Variants in DDX47 observed in about 807,000 individuals in gnomAD.
DDX47 encodes DEAD-box helicase 47.
Under a neutral mutation model 58.8 loss-of-function variants are expected in DDX47, and 60 were observed. The observed-to-expected ratio is 1.02, with a 90% CI of 0.83 to 1.26. The LOEUF (loss-of-function observed/expected upper bound fraction) is 1.26, where lower values mean the gene tolerates loss of function less well. Ranked by LOEUF, DDX47 falls within the 50% of genes most tolerant of loss-of-function variation. The pLI, the probability that DDX47 is intolerant of heterozygous loss-of-function variation, is 0.00. For missense variants in DDX47, 530 were observed against 573.2 expected (o/e 0.92, Z 0.77); for synonymous variants, 197 against 204.6 (o/e 0.96, Z 0.32).
chr12:12,822,169 G>A (rs548631997), intron 5 of DDX47, 86 bp downstream of exon 5: 2 of 809,870 alleles, frequency 2.5e-6, no homozygotes, highest in East Asian at 4.9e-5. Context: ...GTTTCATGTA[G>A]AACATTGCAT....
chr12:12,826,276 A>G, intron 10 of DDX47: 1 of 422,214 alleles, frequency 2.4e-6, no homozygotes, highest in Non-Finnish European at 4.3e-6. Flanking sequence ...AAGATCTAGT[A>G]TAGTATTTGG....
At position 12,824,178 on chromosome 12, in the gene DDX47, C is replaced by A. The variant is rs111417851; in HGVS notation, c.897+162C>A. 137 of 892,356 alleles carry A rather than the reference C, an allele frequency of 1.5e-4. 1 individual carries two copies. In the African/African-American group the frequency reaches 2.2e-3, roughly 14 times the overall value. 55.3% of individuals were successfully genotyped at this position (892,356 alleles called of 1,614,324 possible). ...GTGTTGCTCTAGATACTTACTTTCT[C>A]CTTTCAGGGTAGCGAGAGGCTCCCA... On this transcript the variant is annotated intron_variant, in intron 8 of 11. Coordinates refer to ENST00000358007, the MANE Select transcript of DDX47 (RefSeq NM_016355.4).
chr12:12,814,927 T>G (rs768100753), intron 2 of DDX47, among the ~76,000 whole-genome samples: 4 of 152,214 alleles, frequency 2.6e-5, no homozygotes, highest in Non-Finnish European at 5.9e-5. Context: ...TCTACCTGCC[T>G]TGGCCTCCCA....
intron 2 of DDX47, 26 bp downstream of exon 2, chr12:12,814,250 T>G: frequency 7.0e-7 from 1 of 1,424,808 alleles, no homozygotes; most frequent in East Asian, 2.3e-5. Flanking sequence ...TCGTACAGAT[T>G]TAATATAAAG....
rs1862962871 is a variant in DDX47, at chr12:12,821,105, ATATT to A, written c.182-98_182-95del. The A allele has an allele frequency of 5.1e-6, 6 of 1,180,738 alleles. No homozygotes were observed. The South Asian group carries it at 8.4e-5, about 17-fold the overall frequency. 73.1% of individuals were successfully genotyped at this position (1,180,738 alleles called of 1,614,324 possible). ...CTTTCCTCTCTCCCCAGTTCATCAG[ATATT>A]TATTAAGCGTCTACTTTGTGCCCAG... On this transcript the variant is annotated intron_variant, in intron 2 of 11. Coordinates refer to ENST00000358007, the MANE Select transcript of DDX47 (RefSeq NM_016355.4).
rs1862981740 is a variant in DDX47 at position 12,822,018 on chromosome 12, A to T, written c.496A>T (p.Arg166Ter). Reference sequence around the variant, plus strand: ...GGAAAATACGAAAGGTTTCAACTTGAGAGCTCTCAAATACTTGGTCATGGA... The same window carrying T: ...GGAAAATACGAAAGGTTTCAACTTGTGAGCTCTCAAATACTTGGTCATGGA... ...HLENTKGFNL[R>*]ALKYLVMDEA... The change falls in exon 5 of 12, where the codon AGA becomes TGA. Residue 166 changes from arginine (R) to a stop codon, truncating the protein, a stop_gained. Transcript: ENST00000358007. LOFTEE classifies it high-confidence loss of function. The T allele has an allele frequency of 6.2e-7, 1 of 1,613,892 alleles. No homozygotes were observed. The highest frequency in any genetic ancestry group is 8.5e-7 in the Non-Finnish European group (1 of 1,179,984).
At chr12:12,824,480 T>C in intron 8 of DDX47, 60 bp from the exon 9 acceptor site, 2 of 1,558,864 alleles carry the variant, frequency 1.3e-6, no homozygotes, top group South Asian at 2.4e-5. Flanking sequence ...TTGTCTATTT[T>C]GTGTTTTGTA....
chr12:12,820,899 C>T, intron 2 of DDX47: 1 of 356,550 alleles, frequency 2.8e-6, no homozygotes, highest in South Asian at 2.8e-5. Flanking sequence ...CACTTATCAC[C>T]TCTGTTAGCC....
intron 7 of DDX47, chr12:12,823,565 A>T (rs942582708): frequency 1.8e-6 from 1 of 549,534 alleles, no homozygotes; most frequent in Non-Finnish European, 3.2e-6. Flanking sequence ...CCCATCCTTG[A>T]GGTAATTTTT....
chr12:12,818,714 A>G (rs936142090), intron 2 of DDX47, among the ~76,000 whole-genome samples: 4 of 151,892 alleles, frequency 2.6e-5, no homozygotes, highest in African/African-American at 7.2e-5. Flanking sequence ...AAGAGGTTTA[A>G]TTGGACTTAC....
chr12:12,821,877 G>A (rs1237334965), intron 4 of DDX47, 88 bp from the exon 5 acceptor site: 4 of 1,143,886 alleles, frequency 3.5e-6, no homozygotes, highest in Non-Finnish European at 5.2e-6. Flanking sequence ...CTGTGGGGTG[G>A]GGCAGATAAC....
At chr12:12,822,347 T>A (rs1862987191) in intron 5 of DDX47, among the ~76,000 whole-genome samples, 1 of 152,244 alleles carries the variant, frequency 6.6e-6, no homozygotes, top group Non-Finnish European at 1.5e-5. Flanking sequence ...ATATCTTTAT[T>A]TTCTTTGATG....
chr12:12,813,397 G>T lies in DDX47; in HGVS notation c.30G>T (p.Pro10=), dbSNP rs779124616. 1 of 1,613,466 alleles carries T rather than the reference G, an allele frequency of 6.2e-7. No homozygotes were observed. Among genetic ancestry groups the T allele is most frequent in the Admixed American group, 1.7e-5 (1 of 59,956 alleles). The change falls in exon 1 of 12, where the codon CCG becomes CCT. Residue 10 remains proline (P), a synonymous_variant. Coordinates refer to ENST00000358007, the MANE Select transcript of DDX47 (RefSeq NM_016355.4). ...CGGCACCCGAGGAACACGATTCTCC[G>T]ACCGAAGCGTCCCAGCCGATTGTGG... MAAPEEHDS[P]TEASQPIVEE...
intron 9 of DDX47, 167 bp downstream of exon 9, chr12:12,824,844 G>T (rs1433254330): frequency 1.3e-5 from 8 of 633,504 alleles, no homozygotes; most frequent in Non-Finnish European, 2.1e-5. Context: ...ACAGGCCTGT[G>T]TATGTAACAT....
chr12:12,821,376 C>T lies in DDX47; in HGVS notation c.350C>T (p.Ser117Phe), dbSNP rs1238621356. The T allele has an allele frequency of 1.9e-6, 3 of 1,614,116 alleles. No individual in the cohort carries two copies. Among genetic ancestry groups the T allele is most frequent in the African/African-American group, 1.3e-5 (1 of 75,012 alleles). The change falls in exon 3 of 12, where the codon TCC (serine) becomes TTC (phenylalanine). Residue 117 changes from serine to phenylalanine, a missense_variant. Coordinates refer to ENST00000358007, the MANE Select transcript of DDX47 (RefSeq NM_016355.4). ...TCAGAGCAGTTTGAAGCCCTGGGGTCCTCTATTGGAGTGCAGAGTGGTAAG... is the reference window on the plus strand; with the variant it reads ...TCAGAGCAGTTTGAAGCCCTGGGGTTCTCTATTGGAGTGCAGAGTGGTAAG... Reference protein sequence around the residue: ...QISEQFEALGSSIGVQSAVIV... With the variant: ...QISEQFEALGFSIGVQSAVIV...
At position 12,821,256 on chromosome 12, in the gene DDX47, C is replaced by T; in HGVS notation, c.230C>T (p.Ala77Val). The change falls in exon 3 of 12, where the codon GCC (alanine) becomes GTC (valine). Residue 77 changes from alanine to valine, a missense_variant. Ala to Val is a moderately conservative substitution (Grantham distance 64). Coordinates refer to ENST00000358007, the MANE Select transcript of DDX47 (RefSeq NM_016355.4). The part of the protein sequence containing the change: ...LAETGSGKTG[A>V]FALPILNALL... ...GAAACTGGCTCTGGAAAGACAGGCG[C>T]CTTTGCTTTGCCCATTCTAAACGCA... 1 of 1,614,190 alleles carries T rather than the reference C, an allele frequency of 6.2e-7. No homozygotes were observed. Among genetic ancestry groups the T allele is most frequent in the Non-Finnish European group, 8.5e-7 (1 of 1,180,042 alleles).
rs1005257364 is a variant in DDX47 at position 12,829,629 on chromosome 12, C to T, written c.*75C>T. On this transcript the variant is annotated 3_prime_UTR_variant, in exon 12 of 12. Coordinates refer to ENST00000358007, the MANE Select transcript of DDX47 (RefSeq NM_016355.4). Reference sequence around the variant, plus strand: ...GAATGAAACCTGCTCCAACAGAGATCATGAGACTGAAATTGGTCAGAATTG... The same window carrying T: ...GAATGAAACCTGCTCCAACAGAGATTATGAGACTGAAATTGGTCAGAATTG... 16 of 1,532,012 alleles carry T rather than the reference C, an allele frequency of 1.0e-5. No homozygotes were observed. In the African/African-American group the frequency reaches 2.1e-4, roughly 20 times the overall value. 94.9% of individuals were successfully genotyped at this position (1,532,012 alleles called of 1,614,324 possible).
Position 12,829,421 on chromosome 12 carries a change from A to T in DDX47, c.1237-2A>T. 1.9e-6 allele frequency: 3 copies of T among 1,590,904 alleles called. No homozygotes were observed. Among genetic ancestry groups the T allele is most frequent in the Admixed American group, 3.7e-5 (2 of 53,578 alleles). On this transcript the variant is annotated splice_acceptor_variant, in intron 11 of 11. Transcript: ENST00000358007. LOFTEE classifies it high-confidence loss of function. Reference sequence around the variant, plus strand: ...ATCCCATCCTCTCTTTTTTTCTTGCAGGAGTTAAGGGAGCATGGAGAAAAG... The same window carrying T: ...ATCCCATCCTCTCTTTTTTTCTTGCTGGAGTTAAGGGAGCATGGAGAAAAG...
chr12:12,829,547 G>A lies in DDX47; in HGVS notation c.1361G>A (p.Gly454Asp). The change falls in exon 12 of 12, where the codon GGC (glycine) becomes GAC (aspartate). Residue 454 changes from glycine to aspartate, a missense_variant. Gly to Asp is a moderately conservative substitution (Grantham distance 94). Coordinates refer to ENST00000358007, the MANE Select transcript of DDX47 (RefSeq NM_016355.4). ...VAGGKMKKRK[G>D]R is the part of the protein sequence containing the mutation. ...GGAGGAAAAATGAAGAAGCGGAAAG[G>A]CCGTTAATCACTTTTATGAAGGCTC... The A allele has an allele frequency of 6.2e-7, 1 of 1,613,448 alleles. No homozygotes were observed. Among genetic ancestry groups the A allele is most frequent in the Non-Finnish European group, 8.5e-7 (1 of 1,179,750 alleles).
Sources: gnomAD v4.1 joint callset for allele counts (sites outside exome capture counted in the v4.1 genomes callset) on GRCh38, gnomAD v4.1.1 for gene constraint, MANE v1.5 for transcripts, NCBI Gene and HGNC (gene_info 2026-07-23, HGNC 2026-07-21) for gene names.